The following GALNTL6 variants were observed in gnomAD, a reference collection of about 807,000 sequenced individuals.
GALNTL6 encodes the protein polypeptide N-acetylgalactosaminyltransferase-like 6.
GALNTL6 carries 46 observed loss-of-function variants against 73.7 expected under a neutral mutation model. The observed-to-expected ratio is 0.62, with a 90% CI of 0.49 to 0.80. GALNTL6 has a LOEUF of 0.80. GALNTL6 is among the 30% of genes least tolerant of loss of function. The pLI, the probability that GALNTL6 is intolerant of heterozygous loss-of-function variation, is 0.00. For synonymous variants in GALNTL6, 259 were observed against 263.7 expected (o/e 0.98, Z 0.17); for missense variants, 604 against 755.0 (o/e 0.80, Z 2.34).
chr4:172,248,688 T>C (rs1737744292), intron 3 of GALNTL6, among the ~76,000 whole-genome samples: 1 of 152,016 alleles, frequency 6.6e-6, no homozygotes, highest in Admixed American at 6.6e-5. Flanking sequence ...CGGTGGGAGG[T>C]AATTGAATCA....
intron 5 of GALNTL6, among the ~76,000 whole-genome samples, chr4:172,596,322 T>C (rs1737852733): frequency 6.6e-6 from 1 of 151,780 alleles, no homozygotes; most frequent in South Asian, 2.1e-4. Flanking sequence ...CTAGGCGTGG[T>C]GGCCTGTAGT....
intron 2 of GALNTL6, among the ~76,000 whole-genome samples, chr4:172,159,414 T>C (rs1734385529): frequency 1.3e-5 from 2 of 152,208 alleles, no homozygotes; most frequent in Non-Finnish European, 2.9e-5. Flanking sequence ...ATGTATTAGA[T>C]GTTTTGAAAG....
At chr4:172,259,265 T>A (rs1246659711) in intron 3 of GALNTL6, among the ~76,000 whole-genome samples, 1 of 151,306 alleles carries the variant, frequency 6.6e-6, no homozygotes, top group Non-Finnish European at 1.5e-5. Context: ...CATGCCAATA[T>A]CTATTATTTT....
At chr4:172,205,056 A>G (rs924769872) in intron 2 of GALNTL6, among the ~76,000 whole-genome samples, 11 of 152,184 alleles carry the variant, frequency 7.2e-5, no homozygotes, top group Non-Finnish European at 1.3e-4. Flanking sequence ...CTTAATCCAA[A>G]TGTGCATATT....
At chr4:172,075,980 C>T (rs1266432798) in intron 2 of GALNTL6, among the ~76,000 whole-genome samples, 2 of 152,166 alleles carry the variant, frequency 1.3e-5, no homozygotes, top group Non-Finnish European at 2.9e-5. Flanking sequence ...TCACACAGAT[C>T]ATTTAGTTTG....
At chr4:172,230,858 C>T (rs1319819988) in intron 3 of GALNTL6, among the ~76,000 whole-genome samples, 1 of 152,146 alleles carries the variant, frequency 6.6e-6, no homozygotes, top group Non-Finnish European at 1.5e-5. Context: ...TATAACTTAG[C>T]CAGGGTGTGA....
intron 2 of GALNTL6, among the ~76,000 whole-genome samples, chr4:171,827,161 C>T (rs188603567): frequency 1.3e-5 from 2 of 152,174 alleles, no homozygotes; most frequent in Admixed American, 1.3e-4. Flanking sequence ...GTCACATTTG[C>T]CATACAAGAC....
At chr4:172,322,859 T>A (rs1740807027) in intron 4 of GALNTL6, among the ~76,000 whole-genome samples, 2 of 151,114 alleles carry the variant, frequency 1.3e-5, no homozygotes, top group African/African-American at 4.9e-5. Context: ...AAAAAAAGAA[T>A]GAAGAAAAAT....
chr4:171,868,305 A>C (rs1203617178), intron 2 of GALNTL6, among the ~76,000 whole-genome samples: 1 of 152,094 alleles, frequency 6.6e-6, no homozygotes, highest in Non-Finnish European at 1.5e-5. Flanking sequence ...AATTCTCTGC[A>C]TTTCCCATTT....
chr4:172,052,680 A>T, intron 2 of GALNTL6: 1 of 533,116 alleles, frequency 1.9e-6, no homozygotes, highest in Non-Finnish European at 3.3e-6. Flanking sequence ...CCCAGGGTAG[A>T]CAAGGTTAGC....
At chr4:172,710,918 T>G (rs1452088096) in intron 5 of GALNTL6, among the ~76,000 whole-genome samples, 1 of 152,154 alleles carries the variant, frequency 6.6e-6, no homozygotes, top group Non-Finnish European at 1.5e-5. Flanking sequence ...CAACAAATAG[T>G]TATTGAGCTC....
intron 5 of GALNTL6, among the ~76,000 whole-genome samples, chr4:172,420,256 A>G (rs1731004404): frequency 6.6e-6 from 1 of 152,212 alleles, no homozygotes; most frequent in African/African-American, 2.4e-5. Flanking sequence ...ATTTCAGCTT[A>G]CATTGTTAAG....
At chr4:172,367,870 G>A (rs1057129028) in intron 5 of GALNTL6, among the ~76,000 whole-genome samples, 7 of 152,092 alleles carry the variant, frequency 4.6e-5, no homozygotes, top group African/African-American at 1.7e-4. Context: ...TCGCTTATAA[G>A]GTTAATGTAA....
At chr4:172,303,834 C>T (rs534536350) in intron 3 of GALNTL6, among the ~76,000 whole-genome samples, 1 of 152,238 alleles carries the variant, frequency 6.6e-6, no homozygotes, top group Admixed American at 6.5e-5. Flanking sequence ...TTCCAAACTG[C>T]CCTCACTCCC....
At chr4:172,145,899 T>A (rs527883243) in intron 2 of GALNTL6, among the ~76,000 whole-genome samples, 1 of 152,278 alleles carries the variant, frequency 6.6e-6, no homozygotes, top group African/African-American at 2.4e-5. Context: ...ACCCATTGAA[T>A]AAATAAAATA....
intron 7 of GALNTL6, among the ~76,000 whole-genome samples, chr4:172,855,575 T>C (rs1353077836): frequency 1.3e-5 from 2 of 152,150 alleles, no homozygotes; most frequent in East Asian, 3.9e-4. Flanking sequence ...AACTTCTGAT[T>C]TCTCGGTTCT....
intron 2 of GALNTL6, among the ~76,000 whole-genome samples, chr4:171,922,539 T>A (rs966404414): frequency 6.6e-6 from 1 of 152,030 alleles, no homozygotes; most frequent in African/African-American, 2.4e-5. Context: ...GTGTGTATTT[T>A]TTTTTTTACA....
At chr4:172,390,364 T>C (rs1743620470) in intron 5 of GALNTL6, among the ~76,000 whole-genome samples, 1 of 152,242 alleles carries the variant, frequency 6.6e-6, no homozygotes, top group Non-Finnish European at 1.5e-5. Flanking sequence ...TTACTCATGC[T>C]TGTGTTCTCT....
At chr4:172,752,375 A>G (rs1737475980) in intron 5 of GALNTL6, among the ~76,000 whole-genome samples, 1 of 152,110 alleles carries the variant, frequency 6.6e-6, no homozygotes, top group Non-Finnish European at 1.5e-5. Flanking sequence ...ATTTTGGCAT[A>G]CTTCCTTCAT....
Sources: gnomAD v4.1 joint callset for allele counts (sites outside exome capture counted in the v4.1 genomes callset) on GRCh38, gnomAD v4.1.1 for gene constraint, MANE v1.5 for transcripts, NCBI Gene and HGNC (gene_info 2026-07-23, HGNC 2026-07-21) for gene names.